The following STXBP5 variants were observed in gnomAD, a reference collection of about 807,000 sequenced individuals.
STXBP5 encodes syntaxin-binding protein 5.
STXBP5 carries 50 observed loss-of-function variants against 152.4 expected under a neutral mutation model. The observed-to-expected ratio is 0.33, with a 90% confidence interval of 0.26 to 0.42. The LOEUF (loss-of-function observed/expected upper bound fraction) is 0.42. STXBP5 is among the 10% of genes least tolerant of loss of function. The pLI, the probability that STXBP5 is intolerant of heterozygous loss-of-function variation, is 1.00. For missense variants in STXBP5, 1,167 were observed against 1,388.6 expected (o/e 0.84, Z 2.54); for synonymous variants, 492 against 494.7 (o/e 0.99, Z 0.07).
In STXBP5 at chr6:147,291,109, A is replaced by G; in HGVS notation, c.854A>G (p.Asp285Gly). 1.9e-6 allele frequency: 3 copies of G among 1,609,268 alleles called. No homozygotes were observed. Among genetic ancestry groups the G allele is most frequent in the Non-Finnish European group, 1.7e-6 (2 of 1,177,548 alleles). Residue 285 changes from aspartate (D) to glycine (G), a missense_variant, in exon 9 of 28, where the codon GAT becomes GGT. Physicochemically the swap from Asp to Gly is moderately conservative, Grantham distance 94. Around this residue, in one of 3 missense-constraint regions of STXBP5, gnomAD observed 310 missense variants for 346.1 expected, o/e 0.90. Transcript: ENST00000321680. ...TATATTTTAGGAAAACAGTTAAAGG[A>G]TGGGAAGAAGCCAGAACCATGCAAA... The part of the protein sequence containing the change: ...TITPHGKQLK[D>G]GKKPEPCKPI...
chr6:147,215,261 G>A (rs1489622448), intron 2 of STXBP5, among the ~76,000 whole-genome samples: 1 of 152,198 alleles, frequency 6.6e-6, no homozygotes, highest in Non-Finnish European at 1.5e-5. Context: ...GATATACAGA[G>A]AAGAATGTTC....
chr6:147,315,382 C>T (rs942989268), intron 14 of STXBP5, 133 bp from the exon 15 acceptor site: 11 of 591,496 alleles, frequency 1.9e-5, no homozygotes, highest in Admixed American at 9.6e-5. Context: ...AATAGACTAA[C>T]GTAAATTGAG....
chr6:147,365,548 A>G (rs939949010), intron 25 of STXBP5, among the ~76,000 whole-genome samples: 33 of 152,288 alleles, frequency 2.2e-4, no homozygotes, highest in African/African-American at 7.7e-4. Context: ...TAGTTTACTC[A>G]TTTATGTTTA....
intron 9 of STXBP5, chr6:147,292,909 G>T (rs1015708053): frequency 6.6e-6 from 1 of 152,218 alleles, no homozygotes; most frequent in East Asian, 1.9e-4. Context: ...AATTTAAAAT[G>T]TTGCTCTTTT....
At chr6:147,297,845 A>G (rs1781605464) in intron 9 of STXBP5, among the ~76,000 whole-genome samples, 1 of 152,124 alleles carries the variant, frequency 6.6e-6, no homozygotes, top group African/African-American at 2.4e-5. Flanking sequence ...CCACCAAGAA[A>G]TAAATCACAG....
intron 6 of STXBP5, among the ~76,000 whole-genome samples, chr6:147,265,202 A>C (rs1008228906): frequency 2.0e-5 from 3 of 152,206 alleles, no homozygotes; most frequent in African/African-American, 7.2e-5. Context: ...AGGAAAGAAG[A>C]GATAAGGTTA....
chr6:147,279,829 G>C (rs1234618901), intron 8 of STXBP5, among the ~76,000 whole-genome samples: 1 of 152,022 alleles, frequency 6.6e-6, no homozygotes, highest in Admixed American at 6.5e-5. Context: ...TACGAATTCA[G>C]ATAAACAAAA....
intron 7 of STXBP5, among the ~76,000 whole-genome samples, chr6:147,276,945 A>G (rs185704426): frequency 2.0e-5 from 3 of 152,210 alleles, no homozygotes; most frequent in Admixed American, 2.0e-4. Context: ...AAAGCTGACA[A>G]ATTGCATATT....
At chr6:147,292,160 C>G in intron 9 of STXBP5, 1 of 409,630 alleles carries the variant, frequency 2.4e-6, no homozygotes, top group South Asian at 1.8e-5. Context: ...TTTAATCTCC[C>G]CTCCCATTTC....
intron 2 of STXBP5, among the ~76,000 whole-genome samples, chr6:147,234,822 C>T (rs1191570929): frequency 6.6e-6 from 1 of 151,912 alleles, no homozygotes; most frequent in African/African-American, 2.4e-5. Context: ...AAAATCATTA[C>T]TATTCCTAAA....
intron 2 of STXBP5, among the ~76,000 whole-genome samples, chr6:147,233,527 C>T (rs1778115385): frequency 6.6e-6 from 1 of 151,560 alleles, no homozygotes; most frequent in African/African-American, 2.4e-5. Flanking sequence ...TTAAAAAAAT[C>T]AACTTATTCA....
chr6:147,292,945 C>A (rs1465968867), intron 9 of STXBP5: 1 of 152,084 alleles, frequency 6.6e-6, no homozygotes, highest in African/African-American at 2.4e-5. Context: ...TACAGTCATC[C>A]ACTACCTAAT....
chr6:147,214,294 A>G (rs1777047774), intron 2 of STXBP5, among the ~76,000 whole-genome samples: 2 of 152,198 alleles, frequency 1.3e-5, no homozygotes, highest in Non-Finnish European at 1.5e-5. Context: ...AGATTTAGCA[A>G]TTCTAGTTGG....
At chr6:147,299,249 T>TAAA (rs145902394) in intron 9 of STXBP5, among the ~76,000 whole-genome samples, 2 of 146,892 alleles carry the variant, frequency 1.4e-5, no homozygotes, top group African/African-American at 2.5e-5. Flanking sequence ...TTGAGTAATC[T>TAAA]AAAAAAAAAA....
rs1015604319 is a variant in STXBP5 at position 147,251,369 on chromosome 6, G to A, written c.432-9246G>A. ...CCAGCACAAAACTGGCCGGCCGTTT[G>A]GGCAGATACCGAGCTAGCTACAGGA... On this transcript the variant is annotated intron_variant, in intron 4 of 27. Coordinates refer to ENST00000321680, the MANE Select transcript of STXBP5 (RefSeq NM_001127715.4). Among the ~76,000 whole-genome samples, 3 of 152,164 alleles carry A rather than the reference G, an allele frequency of 2.0e-5. No individual in the cohort carries two copies. In the East Asian group the frequency reaches 5.8e-4, roughly 29 times the overall value.
chr6:147,339,381 A>G lies in STXBP5; in HGVS notation c.2251A>G (p.Ile751Val). 1.3e-6 allele frequency: 2 copies of G among 1,491,258 alleles called. No individual in the cohort carries two copies. Among genetic ancestry groups the G allele is most frequent in the African/African-American group, 1.4e-5 (1 of 69,546 alleles). 92.4% of individuals were successfully genotyped at this position (1,491,258 alleles called of 1,614,324 possible). A position where few individuals can be genotyped will look rare whatever the true frequency, so the allele number is the denominator to read the frequency against. ...GTTTTCCAAGATGGTAGCCAATGAT[A>G]TAGGTAGGAAATAGAAATTTCTATT... Reference protein sequence around the residue: ...RKFSKMVANDIAKMSRKLSLP... With the variant: ...RKFSKMVANDVAKMSRKLSLP... Residue 751 changes from isoleucine to valine, a missense_variant, in exon 21 of 28, where the codon ATA becomes GTA. Around this residue, in one of 3 missense-constraint regions of STXBP5, gnomAD observed 833 missense variants for 986.3 expected, o/e 0.84. Transcript: ENST00000321680.
chr6:147,307,017 C>T (rs1562476361), intron 9 of STXBP5, among the ~76,000 whole-genome samples: 2 of 152,144 alleles, frequency 1.3e-5, no homozygotes, highest in South Asian at 4.1e-4. Context: ...TATTATGGAG[C>T]TGAGTTTAAC....
intron 7 of STXBP5, among the ~76,000 whole-genome samples, chr6:147,268,650 G>T (rs1021238135): frequency 1.3e-5 from 2 of 152,158 alleles, no homozygotes; most frequent in African/African-American, 4.8e-5. Flanking sequence ...ATCTGTAGTT[G>T]TGGTCTGCAG....
At chr6:147,242,171 T>TAA (rs74855396) in intron 4 of STXBP5, among the ~76,000 whole-genome samples, 8 of 133,716 alleles carry the variant, frequency 6.0e-5, no homozygotes, top group Non-Finnish European at 9.7e-5. Flanking sequence ...GTCTTAGTTT[T>TAA]AAAAAAAAAA....
Sources: gnomAD v4.1 joint callset for allele counts (sites outside exome capture counted in the v4.1 genomes callset) on GRCh38, gnomAD v4.1.1 for gene constraint, gnomAD v4.1.1 regional missense constraint, MANE v1.5 for transcripts, NCBI Gene and HGNC (gene_info 2026-07-23, HGNC 2026-07-21) for gene names.